ZBTB20: variants seen among roughly 807,000 people sequenced by gnomAD.
ZBTB20 encodes zinc finger and BTB domain containing 20.
Under a neutral mutation model 56.9 loss-of-function variants are expected in ZBTB20, and 9 were observed. The ratio of observed to expected loss-of-function variants is 0.16; its 90% confidence interval spans 0.10 to 0.28. The LOEUF is 0.28. Among genes scored for constraint, ZBTB20 ranks in the 10% least tolerant of loss-of-function variants. The pLI is 1.00. For synonymous variants in ZBTB20, 417 were observed against 420.7 expected, an observed-to-expected ratio of 0.99 and a Z score of 0.11; for missense variants, 655 against 1,003.0, an observed-to-expected ratio of 0.65 and a Z score of 4.69.
intron 6 of ZBTB20, among the ~76,000 whole-genome samples, chr3:114,632,107 G>A (rs966178014): frequency 6.6e-6 from 1 of 152,126 alleles, no homozygotes; most frequent in Non-Finnish European, 1.5e-5. Flanking sequence ...ACCTATGTCT[G>A]GCCATCAGCA....
At chr3:114,390,844 G>C (rs538403545) in intron 7 of ZBTB20, among the ~76,000 whole-genome samples, 12 of 152,276 alleles carry the variant, frequency 7.9e-5, no homozygotes, top group African/African-American at 2.9e-4. Context: ...TACTACACAG[G>C]CTTTTCTAAT....
rs2079261615 is a variant in ZBTB20, at chr3:114,331,652, C to T, written c.*7353G>A. ...TTAAATGCACTCTACTCCACATAAG[C>T]ATATTCAAGTTTCTCATGAAACGGA... On this transcript the variant is annotated 3_prime_UTR_variant, in exon 12 of 12. Transcript: ENST00000675478. The T allele has an allele frequency of 6.6e-6, 1 of 152,170 alleles. No homozygotes were observed. Among genetic ancestry groups the T allele is most frequent in the Non-Finnish European group, 1.5e-5 (1 of 68,042 alleles). 9.4% of individuals were successfully genotyped at this position (152,170 alleles called of 1,614,324 possible).
chr3:115,094,997 G>T (rs750362107), intron 1 of ZBTB20, among the ~76,000 whole-genome samples: 1 of 151,858 alleles, frequency 6.6e-6, no homozygotes, highest in Non-Finnish European at 1.5e-5. Flanking sequence ...CCTTACATTA[G>T]TAATGTAATA....
At chr3:114,400,411 T>C (rs759783386) in intron 7 of ZBTB20, among the ~76,000 whole-genome samples, 2 of 152,158 alleles carry the variant, frequency 1.3e-5, no homozygotes, top group East Asian at 1.9e-4. Context: ...TGAATCAATG[T>C]TGTCTGGAAG....
chr3:114,577,464 C>T (rs2054203809), intron 6 of ZBTB20, among the ~76,000 whole-genome samples: 1 of 151,974 alleles, frequency 6.6e-6, no homozygotes, highest in African/African-American at 2.4e-5. Flanking sequence ...TTAAAAATTC[C>T]GTGAAATATA....
chr3:114,847,432 T>C (rs1162348797), intron 4 of ZBTB20, among the ~76,000 whole-genome samples: 1 of 152,142 alleles, frequency 6.6e-6, no homozygotes, highest in Non-Finnish European at 1.5e-5. Flanking sequence ...CTATTTATCC[T>C]GGGCTTTACT....
At chr3:114,768,474 T>C (rs2068940628) in intron 5 of ZBTB20, among the ~76,000 whole-genome samples, 1 of 152,004 alleles carries the variant, frequency 6.6e-6, no homozygotes, top group African/African-American at 2.4e-5. Flanking sequence ...ACCAACACCA[T>C]TTAATATTGT....
At chr3:115,090,571 A>G (rs1576754859) in intron 1 of ZBTB20, among the ~76,000 whole-genome samples, 1 of 151,850 alleles carries the variant, frequency 6.6e-6, no homozygotes, top group South Asian at 2.1e-4. Context: ...ACAGAAAAGT[A>G]TATCACCTAG....
intron 2 of ZBTB20, among the ~76,000 whole-genome samples, chr3:114,976,741 A>G (rs2108063393): frequency 6.6e-6 from 1 of 152,170 alleles, no homozygotes; most frequent in Admixed American, 6.5e-5. Context: ...AATACTTTTT[A>G]TTATATTGCT....
At chr3:114,990,834 G>A (rs2078771992) in intron 2 of ZBTB20, among the ~76,000 whole-genome samples, 1 of 152,152 alleles carries the variant, frequency 6.6e-6, no homozygotes, top group Admixed American at 6.5e-5. Flanking sequence ...TTAGTCTTGG[G>A]AGAGTGTGTG....
chr3:114,485,234 T>C (rs900427118), intron 7 of ZBTB20, among the ~76,000 whole-genome samples: 12 of 152,304 alleles, frequency 7.9e-5, no homozygotes, highest in African/African-American at 2.9e-4. Flanking sequence ...AAAAATACTT[T>C]TGCGAAGAAA....
chr3:114,522,625 G>A (rs1159013787), intron 6 of ZBTB20, among the ~76,000 whole-genome samples: 1 of 152,192 alleles, frequency 6.6e-6, no homozygotes, highest in Non-Finnish European at 1.5e-5. Flanking sequence ...GGTAAGAAAT[G>A]ATAGTTGCTT....
intron 7 of ZBTB20, among the ~76,000 whole-genome samples, chr3:114,407,093 C>T (rs969090271): frequency 2.6e-5 from 4 of 152,198 alleles, no homozygotes; most frequent in Non-Finnish European, 5.9e-5. Flanking sequence ...GCCCACTAGC[C>T]ACTGCCATAG....
At chr3:114,769,410 A>G (rs1203338154) in intron 5 of ZBTB20, among the ~76,000 whole-genome samples, 1 of 151,400 alleles carries the variant, frequency 6.6e-6, no homozygotes. Context: ...TACTATATAC[A>G]TACTATTCCA....
intron 6 of ZBTB20, among the ~76,000 whole-genome samples, chr3:114,654,136 T>C (rs1490084962): frequency 6.6e-6 from 1 of 151,862 alleles, no homozygotes; most frequent in Non-Finnish European, 1.5e-5. Flanking sequence ...TTTCTTTTTT[T>C]ACTGCTTTTG....
At position 114,481,276 on chromosome 3, in the gene ZBTB20, A is replaced by AC. The variant is rs113440820; in HGVS notation, c.-255+19075_-255+19076insG. On this transcript the variant is annotated intron_variant, in intron 7 of 11. Transcript: ENST00000675478. ...ACAAAAGGATACATTAAAAAAAAAA[A>AC]AAACCTCATTTCCTGTAAGCTGCTG... 1.3e-4 allele frequency among the ~76,000 whole-genome samples: 19 copies of AC among 151,604 alleles called. 1 individual carries two copies. The highest frequency in any genetic ancestry group is 4.6e-4 in the African/African-American group (19 of 41,288).
intron 6 of ZBTB20, among the ~76,000 whole-genome samples, chr3:114,566,094 T>G (rs2052714598): frequency 6.6e-6 from 1 of 151,808 alleles, no homozygotes; most frequent in Admixed American, 6.6e-5. Context: ...AGTCTGGCAC[T>G]TCCCCCCTAT....
intron 2 of ZBTB20, among the ~76,000 whole-genome samples, chr3:115,004,875 T>A (rs1311198497): frequency 3.3e-5 from 5 of 151,824 alleles, no homozygotes; most frequent in Non-Finnish European, 5.9e-5. Context: ...TACTGAAATT[T>A]CTGTTTAAAG....
chr3:115,137,973 C>CT (rs2084697780), intron 1 of ZBTB20, among the ~76,000 whole-genome samples: 1 of 152,032 alleles, frequency 6.6e-6, no homozygotes, highest in South Asian at 2.1e-4. Flanking sequence ...GCATAGCAGT[C>CT]TTTGTTTTCG....
Sources: allele counts gnomAD v4.1 joint callset (sites outside exome capture counted in the v4.1 genomes callset), GRCh38; gene constraint gnomAD v4.1.1; transcripts MANE v1.5; gene names NCBI Gene and HGNC (gene_info 2026-07-23, HGNC 2026-07-21).